VWA3B: variants seen among roughly 807,000 people sequenced by gnomAD.
VWA3B encodes the protein von Willebrand factor A domain-containing protein 3B.
In VWA3B, 138 loss-of-function variants were observed where a neutral mutation model predicts 158.3. The observed-to-expected ratio is 0.87, with a 90% confidence interval of 0.76 to 1.00. The LOEUF is 1.00. Among genes scored for constraint, VWA3B ranks in the 50% least tolerant of loss-of-function variants. VWA3B has a pLI of 0.00. For missense variants in VWA3B, 1,555 were observed against 1,565.1 expected (o/e 0.99, Z 0.11); for synonymous variants, 596 against 587.3 (o/e 1.01, Z -0.21).
At chr2:98,240,420 A>G (rs1401006270) in intron 19 of VWA3B, among the ~76,000 whole-genome samples, 1 of 152,138 alleles carries the variant, frequency 6.6e-6, no homozygotes, top group Non-Finnish European at 1.5e-5. Flanking sequence ...CTTTGCACGT[A>G]GATTTTTGGG....
chr2:98,112,299 TGTGG>T (rs1477115214), intron 2 of VWA3B, among the ~76,000 whole-genome samples: 9 of 149,328 alleles, frequency 6.0e-5, no homozygotes, highest in African/African-American at 2.0e-4. Flanking sequence ...TGTGTGTGTG[TGTGG>T]GTGTGTGTGT....
chr2:98,252,374 C>T (rs1290221005), intron 20 of VWA3B, among the ~76,000 whole-genome samples: 1 of 152,080 alleles, frequency 6.6e-6, no homozygotes, highest in Non-Finnish European at 1.5e-5. Context: ...ATAACAATAC[C>T]ATTCACATTC....
At chr2:98,204,469 A>T (rs1447822408) in intron 12 of VWA3B, among the ~76,000 whole-genome samples, 1 of 152,216 alleles carries the variant, frequency 6.6e-6, no homozygotes, top group Non-Finnish European at 1.5e-5. Flanking sequence ...TACTGAATGA[A>T]GGTTGCATTT....
chr2:98,164,907 G>T (rs1678936803), intron 8 of VWA3B, among the ~76,000 whole-genome samples: 1 of 152,112 alleles, frequency 6.6e-6, no homozygotes, highest in Non-Finnish European at 1.5e-5. Flanking sequence ...AGAAAGACCT[G>T]GTTATAAATC....
intron 7 of VWA3B, among the ~76,000 whole-genome samples, chr2:98,155,027 G>T (rs1677940087): frequency 6.6e-6 from 1 of 152,224 alleles, no homozygotes; most frequent in East Asian, 1.9e-4. Context: ...GATAAACATA[G>T]TTCTGTCCTC....
At chr2:98,281,027 T>A (rs1477849548) in intron 22 of VWA3B, among the ~76,000 whole-genome samples, 2 of 152,228 alleles carry the variant, frequency 1.3e-5, no homozygotes, top group Non-Finnish European at 2.9e-5. Flanking sequence ...AGGCACTAAT[T>A]CGTTTGCCAT....
At chr2:98,115,866 T>C in intron 3 of VWA3B, 120 bp downstream of exon 3, 1 of 754,642 alleles carries the variant, frequency 1.3e-6, no homozygotes, top group Non-Finnish European at 2.1e-6. Flanking sequence ...CAAGCCCTTA[T>C]TAGGCTGGGG....
chr2:98,216,530 G>A (rs919413875), intron 13 of VWA3B, among the ~76,000 whole-genome samples: 1 of 152,226 alleles, frequency 6.6e-6, no homozygotes, highest in African/African-American at 2.4e-5. Flanking sequence ...CTCCTTCCCG[G>A]CAGGGAGGAG....
intron 2 of VWA3B, among the ~76,000 whole-genome samples, chr2:98,106,470 TTGACATCTTTACTA>T (rs1365525452): frequency 1.6e-4 from 25 of 152,372 alleles, no homozygotes; most frequent in African/African-American, 5.8e-4. Context: ...TAAAGGAGAA[TTGACATCTTTACTA>T]TGCTGACGAA....
At chr2:98,090,860 A>G (rs1460651173) in intron 1 of VWA3B, among the ~76,000 whole-genome samples, 1 of 151,764 alleles carries the variant, frequency 6.6e-6, no homozygotes, top group Non-Finnish European at 1.5e-5. Context: ...GGCTCAAGCA[A>G]TCCTCCTGCT....
At chr2:98,104,162 C>CTT (rs535575279) in intron 2 of VWA3B, among the ~76,000 whole-genome samples, 1 of 152,258 alleles carries the variant, frequency 6.6e-6, no homozygotes, top group African/African-American at 2.4e-5. Context: ...TTGCATATGT[C>CTT]TTAATTAATT....
At chr2:98,296,286 G>A (rs553309201) in intron 23 of VWA3B, among the ~76,000 whole-genome samples, 1 of 152,364 alleles carries the variant, frequency 6.6e-6, no homozygotes, top group African/African-American at 2.4e-5. Context: ...GGGGCACACA[G>A]TGCGTGGCAG....
intron 25 of VWA3B, among the ~76,000 whole-genome samples, chr2:98,300,833 G>A (rs371622505): frequency 3.9e-5 from 6 of 152,098 alleles, no homozygotes; most frequent in East Asian, 1.9e-4. Context: ...TTCCCCAAGC[G>A]CCTCCTTCTC....
At chr2:98,160,325 G>C (rs899903773) in intron 7 of VWA3B, among the ~76,000 whole-genome samples, 2 of 151,944 alleles carry the variant, frequency 1.3e-5, no homozygotes, top group African/African-American at 4.8e-5. Context: ...TTTTTGTTTT[G>C]TTTTGTTTTC....
At chr2:98,205,707 T>C (rs954997359) in intron 12 of VWA3B, among the ~76,000 whole-genome samples, 1 of 152,232 alleles carries the variant, frequency 6.6e-6, no homozygotes, top group Admixed American at 6.5e-5. Flanking sequence ...ATCCCACAAA[T>C]TTTAAACAAA....
intron 2 of VWA3B, among the ~76,000 whole-genome samples, chr2:98,102,736 CAA>C (rs1683175494): frequency 6.6e-6 from 1 of 152,178 alleles, no homozygotes; most frequent in Non-Finnish European, 1.5e-5. Flanking sequence ...ATGCTGGACT[CAA>C]AATGATTTGG....
chr2:98,197,934 G>A (rs1241604783), intron 12 of VWA3B, among the ~76,000 whole-genome samples: 2 of 151,544 alleles, frequency 1.3e-5, no homozygotes, highest in African/African-American at 2.4e-5. Flanking sequence ...TATTGCTACC[G>A]GATTGTATCA....
rs150919971 is a variant in VWA3B at position 98,299,358 on chromosome 2, A to T, written c.3283-721A>T. Among the ~76,000 whole-genome samples the T allele has an allele frequency of 1.2e-3, 183 of 152,344 alleles. 1 individual carries two copies. The highest frequency in any genetic ancestry group is 4.2e-3 in the African/African-American group (174 of 41,590). Reference sequence around the variant, plus strand: ...CTCACAAACTCATAAAAGCTGTGCCATGTCTGGCTCATCCTCTTGCCGCGT... The same window carrying T: ...CTCACAAACTCATAAAAGCTGTGCCTTGTCTGGCTCATCCTCTTGCCGCGT... On this transcript the variant is annotated intron_variant, in intron 24 of 27. Transcript: ENST00000477737.
At chr2:98,242,106 T>G (rs769546422) in intron 19 of VWA3B, among the ~76,000 whole-genome samples, 3 of 152,144 alleles carry the variant, frequency 2.0e-5, no homozygotes, top group Non-Finnish European at 4.4e-5. Flanking sequence ...GAATCTTAAT[T>G]GCGTCCTCCT....
Sources: allele counts gnomAD v4.1 joint callset (sites outside exome capture counted in the v4.1 genomes callset), GRCh38; gene constraint gnomAD v4.1.1; transcripts MANE v1.5; gene names NCBI Gene and HGNC (gene_info 2026-07-23, HGNC 2026-07-21).